ERC2: variants seen among roughly 807,000 people sequenced by gnomAD.
ERC2 encodes ELKS/RAB6-interacting/CAST family member 2, also known as ERC protein 2.
ERC2 carries 42 observed loss-of-function variants against 114.8 expected under a neutral mutation model. That is an observed-to-expected ratio of 0.37 (90% CI 0.29 to 0.47). The LOEUF (loss-of-function observed/expected upper bound fraction) is 0.47. Ranked by LOEUF, ERC2 falls within the 20% of genes least tolerant of loss-of-function variation. The probability of loss-of-function intolerance (pLI) is 0.99; values close to 1 mark genes in which losing one functional copy is unlikely to be tolerated. For missense variants in ERC2, 939 were observed against 1,150.7 expected (o/e 0.82, Z 2.66); for synonymous variants, 454 against 425.5 (o/e 1.07, Z -0.82).
chr3:55,765,993 T>C (rs2067754698), intron 14 of ERC2, among the ~76,000 whole-genome samples: 1 of 152,210 alleles, frequency 6.6e-6, no homozygotes, highest in South Asian at 2.1e-4. Context: ...AAGGATACTG[T>C]ACTCCAAATT....
intron 13 of ERC2, among the ~76,000 whole-genome samples, chr3:55,941,427 A>C (rs114556138): frequency 6.6e-6 from 1 of 152,154 alleles, no homozygotes; most frequent in Non-Finnish European, 1.5e-5. Context: ...ATTAGAGTCA[A>C]CAGCCCTCCA....
At chr3:56,124,059 C>T (rs2079741359) in intron 6 of ERC2, among the ~76,000 whole-genome samples, 1 of 152,076 alleles carries the variant, frequency 6.6e-6, no homozygotes, top group Non-Finnish European at 1.5e-5. Context: ...CAGGAAGTAC[C>T]AAACTCCTAG....
At chr3:55,996,866 G>T (rs2071554977) in intron 10 of ERC2, among the ~76,000 whole-genome samples, 1 of 152,200 alleles carries the variant, frequency 6.6e-6, no homozygotes, top group Non-Finnish European at 1.5e-5. Flanking sequence ...CAAAACTTCA[G>T]ATTAATACTA....
intron 13 of ERC2, among the ~76,000 whole-genome samples, chr3:55,896,634 A>G (rs925982744): frequency 6.6e-6 from 1 of 152,240 alleles, no homozygotes; most frequent in Admixed American, 6.5e-5. Flanking sequence ...ATTCACAGCC[A>G]CCTCAGAAGT....
chr3:55,521,565 C>G (rs1164980517), intron 17 of ERC2, among the ~76,000 whole-genome samples: 1 of 152,210 alleles, frequency 6.6e-6, no homozygotes, highest in Non-Finnish European at 1.5e-5. Context: ...TCAGGCTGGG[C>G]CATTTCCAGA....
intron 3 of ERC2, among the ~76,000 whole-genome samples, chr3:56,223,496 A>G (rs1043296291): frequency 2.7e-5 from 4 of 147,442 alleles, no homozygotes; most frequent in Non-Finnish European, 6.0e-5. Context: ...CAACAAACTC[A>G]AAGGCTACCA....
intron 6 of ERC2, among the ~76,000 whole-genome samples, chr3:56,110,767 G>C (rs888492092): frequency 2.6e-5 from 4 of 152,162 alleles, no homozygotes; most frequent in Admixed American, 6.5e-5. Flanking sequence ...TCCCCAGCAT[G>C]ATATGATACA....
At chr3:55,948,455 C>T (rs578088602) in intron 13 of ERC2, among the ~76,000 whole-genome samples, 12 of 152,306 alleles carry the variant, frequency 7.9e-5, no homozygotes, top group African/African-American at 2.9e-4. Flanking sequence ...AAAGTTTTGG[C>T]AGTAATTACT....
At chr3:56,190,602 A>G (rs997064410) in intron 3 of ERC2, among the ~76,000 whole-genome samples, 2 of 151,918 alleles carry the variant, frequency 1.3e-5, no homozygotes, top group African/African-American at 4.8e-5. Context: ...TGCCCTGCTA[A>G]CTTTTTAAAA....
intron 17 of ERC2, among the ~76,000 whole-genome samples, chr3:55,607,570 T>C (rs983473458): frequency 1.3e-5 from 2 of 150,802 alleles, no homozygotes; most frequent in African/African-American, 4.9e-5. Flanking sequence ...TTTTGACTTC[T>C]GCCAGTGGGA....
At chr3:55,551,520 C>T (rs2055207900) in intron 17 of ERC2, among the ~76,000 whole-genome samples, 1 of 151,826 alleles carries the variant, frequency 6.6e-6, no homozygotes, top group Non-Finnish European at 1.5e-5. Context: ...GCGATTCCGT[C>T]TCAAAAAAAC....
At chr3:56,277,034 A>ACC (rs2054051367) in intron 3 of ERC2, among the ~76,000 whole-genome samples, 1 of 152,148 alleles carries the variant, frequency 6.6e-6, no homozygotes, top group Non-Finnish European at 1.5e-5. Flanking sequence ...ATCCCTAGGG[A>ACC]CCAAACGCAA....
At chr3:56,176,912 C>T (rs774715111) in intron 3 of ERC2, among the ~76,000 whole-genome samples, 7 of 152,190 alleles carry the variant, frequency 4.6e-5, no homozygotes, top group African/African-American at 1.2e-4. Flanking sequence ...AAATGAGCAA[C>T]GCGATCAACT....
chr3:56,028,594 T>C (rs2074189136), intron 7 of ERC2, among the ~76,000 whole-genome samples: 1 of 152,116 alleles, frequency 6.6e-6, no homozygotes, highest in Non-Finnish European at 1.5e-5. Flanking sequence ...ATTTTATCAA[T>C]AGCTTCCACA....
chr3:56,373,833 T>C (rs1289678938), intron 2 of ERC2, among the ~76,000 whole-genome samples: 1 of 152,248 alleles, frequency 6.6e-6, no homozygotes, highest in African/African-American at 2.4e-5. Flanking sequence ...GACATGGACA[T>C]GCGTATTTCA....
chr3:55,914,859 T>G (rs567268117), intron 13 of ERC2, among the ~76,000 whole-genome samples: 19 of 152,310 alleles, frequency 1.2e-4, no homozygotes, highest in African/African-American at 3.6e-4. Context: ...TTCTGGACAT[T>G]CTTCCTTCTA....
At chr3:56,335,355 G>A (rs2057801677) in intron 2 of ERC2, among the ~76,000 whole-genome samples, 1 of 152,158 alleles carries the variant, frequency 6.6e-6, no homozygotes, top group Non-Finnish European at 1.5e-5. Context: ...AGGACACACA[G>A]ATGTCAGCAG....
At chr3:56,335,057 G>A (rs1261736930) in intron 2 of ERC2, among the ~76,000 whole-genome samples, 1 of 152,096 alleles carries the variant, frequency 6.6e-6, no homozygotes, top group African/African-American at 2.4e-5. Flanking sequence ...TGCCCACCTT[G>A]GCCTCCCAAA....
chr3:56,147,451 T>C (rs1490585043), intron 5 of ERC2, among the ~76,000 whole-genome samples: 1 of 152,188 alleles, frequency 6.6e-6, no homozygotes, highest in Non-Finnish European at 1.5e-5. Context: ...TGTTTTTTCC[T>C]TGTGTATACA....
Sources: gnomAD v4.1 joint callset for allele counts (sites outside exome capture counted in the v4.1 genomes callset) on GRCh38, gnomAD v4.1.1 for gene constraint, MANE v1.5 for transcripts, NCBI Gene and HGNC (gene_info 2026-07-23, HGNC 2026-07-21) for gene names.